The following HECTD4 variants were observed in gnomAD, a reference collection of about 807,000 sequenced individuals.
HECTD4 encodes probable E3 ubiquitin-protein ligase HECTD4.
In HECTD4, 114 loss-of-function variants were observed where a neutral mutation model predicts 471.5. That is an observed-to-expected ratio of 0.24 (90% CI 0.21 to 0.28). HECTD4 has a LOEUF of 0.28. HECTD4 is among the 10% of genes least tolerant of loss of function. The probability of loss-of-function intolerance (pLI) is 1.00; values close to 1 mark genes in which losing one functional copy is unlikely to be tolerated. For synonymous variants in HECTD4, 2,012 were observed against 2,256.0 expected, an observed-to-expected ratio of 0.89 and a Z score of 3.07; for missense variants, 3,866 against 5,651.5, an observed-to-expected ratio of 0.68 and a Z score of 10.13.
chr12:112,285,413 G>C (rs886839916), intron 7 of HECTD4, among the ~76,000 whole-genome samples: 5 of 151,956 alleles, frequency 3.3e-5, no homozygotes, highest in African/African-American at 9.7e-5. Context: ...GTCTGCCCTG[G>C]TTGCCAATCT....
chr12:112,304,651 AGCTG>A (rs1282823847), intron 7 of HECTD4, among the ~76,000 whole-genome samples: 2 of 151,614 alleles, frequency 1.3e-5, no homozygotes, highest in Non-Finnish European at 2.9e-5. Flanking sequence ...TTCCTTAAAC[AGCTG>A]GTAAGTCTCT....
rs2272307 is a variant in HECTD4 at position 112,173,057 on chromosome 12, C to T, written c.11595-196G>A. On this transcript the variant is annotated intron_variant, in intron 66 of 75. Coordinates refer to ENST00000682272, the MANE Select transcript of HECTD4 (RefSeq NM_001388303.1). This position sits in a 1 kb window ranked among gnomAD's most constrained non-coding sequence, Gnocchi z 4.3. The stretch of plus-strand genomic sequence containing the variant: ...TTCAAAAGAAGCAAGCCAAGCATGC[C>T]GGTGGGAGTGGGAATGCTGCATCCT... Among the ~76,000 whole-genome samples, 102 of 152,288 alleles carry T rather than the reference C, an allele frequency of 6.7e-4. 1 individual carries two copies. In the East Asian group the frequency reaches 0.018, roughly 27 times the overall value.
intron 48 of HECTD4, among the ~76,000 whole-genome samples, chr12:112,215,674 C>G (rs1306529318): frequency 6.6e-6 from 1 of 152,208 alleles, no homozygotes; most frequent in African/African-American, 2.4e-5. Context: ...GGGTCTCACT[C>G]TGTCACCCAG....
intron 23 of HECTD4, among the ~76,000 whole-genome samples, chr12:112,251,978 G>C (rs188878474): frequency 2.0e-3 from 302 of 152,202 alleles, no homozygotes; most frequent in Admixed American, 4.3e-3. Context: ...CACCAAGTTG[G>C]CCAGGCTGAT....
chr12:112,323,439 G>A lies in HECTD4; in HGVS notation c.178-3697C>T, dbSNP rs190641329. ...TCAGTGCCAGCTTATCAGATCTGATGTAATATCAGGATGCCATAAAATTTC... is the reference window on the plus strand; with the variant it reads ...TCAGTGCCAGCTTATCAGATCTGATATAATATCAGGATGCCATAAAATTTC... On this transcript the variant is annotated intron_variant, in intron 1 of 75. Coordinates refer to ENST00000682272, the MANE Select transcript of HECTD4 (RefSeq NM_001388303.1). Among the ~76,000 whole-genome samples the A allele has an allele frequency of 7.7e-4, 117 of 152,240 alleles. 1 individual carries two copies. Among genetic ancestry groups the A allele is most frequent in the Admixed American group, 1.1e-3 (17 of 15,296 alleles).
chr12:112,171,373 T>C (rs150342754), intron 67 of HECTD4, 110 bp from the exon 68 acceptor site: 4 of 1,492,938 alleles, frequency 2.7e-6, no homozygotes, highest in Admixed American at 2.3e-5. Flanking sequence ...GTGGATTTTT[T>C]ACCTGGGACC....
chr12:112,186,413 C>G (rs538234939), intron 60 of HECTD4, among the ~76,000 whole-genome samples: 11 of 147,556 alleles, frequency 7.5e-5, no homozygotes, highest in African/African-American at 2.8e-4. Context: ...TCTCAGCTCA[C>G]TGCAACCTCT....
chr12:112,363,685 T>C (rs1425755815), intron 1 of HECTD4, among the ~76,000 whole-genome samples: 1 of 151,946 alleles, frequency 6.6e-6, no homozygotes, highest in Non-Finnish European at 1.5e-5. Context: ...TATACAAAAA[T>C]CAAAGGTCAG....
rs1247177075 is a variant in HECTD4, at chr12:112,204,609, CA to C, written c.8145del (p.Ile2715MetfsTer46). The stretch of plus-strand genomic sequence containing the variant: ...TAGAGAAATTCAACCGTCTGTCGGG[CA>C]ATATCCACCATACCTAAAAAATATA... ...KGALQLGMVD[I>X]ARQTVEFLYE... On this transcript the variant is annotated frameshift_variant, in exon 53 of 76. Transcript: ENST00000682272. LOFTEE classifies it high-confidence loss of function. The C allele has an allele frequency of 6.2e-7, 1 of 1,613,154 alleles. No homozygotes were observed. The highest frequency in any genetic ancestry group is 1.7e-5 in the Admixed American group (1 of 59,916).
At chr12:112,366,552 G>T (rs1452152117) in intron 1 of HECTD4, among the ~76,000 whole-genome samples, 1 of 151,502 alleles carries the variant, frequency 6.6e-6, no homozygotes. Context: ...TGAAAAAATT[G>T]CCTGTTGCTG....
intron 59 of HECTD4, 30 bp from the exon 60 acceptor site, chr12:112,190,995 T>A (rs376230230): frequency 7.0e-5 from 107 of 1,525,900 alleles, no homozygotes; most frequent in Non-Finnish European, 9.1e-5. Flanking sequence ...AGAAAGCAGA[T>A]GATTGGCAGC....
At chr12:112,338,553 C>T (rs1243386783) in intron 1 of HECTD4, among the ~76,000 whole-genome samples, 1 of 151,872 alleles carries the variant, frequency 6.6e-6, no homozygotes, top group African/African-American at 2.4e-5. Flanking sequence ...CCAGGAGGCG[C>T]AGGTTGGAGT....
At chr12:112,247,134 T>A in intron 28 of HECTD4, 58 bp from the exon 29 acceptor site, 3 of 1,314,820 alleles carry the variant, frequency 2.3e-6, no homozygotes, top group Admixed American at 2.5e-5. Flanking sequence ...AAACAACTAT[T>A]AAAAAAAAAT....
intron 62 of HECTD4, among the ~76,000 whole-genome samples, chr12:112,180,966 T>TA (rs1201169489): frequency 0.046 from 6,402 of 140,212 alleles, 284 homozygotes; most frequent in African/African-American, 0.12. Context: ...ACTTGTCAGC[T>TA]AAAAAAAAAA....
intron 7 of HECTD4, among the ~76,000 whole-genome samples, chr12:112,295,981 CAG>C (rs1288565346): frequency 6.6e-6 from 1 of 152,044 alleles, no homozygotes; most frequent in Non-Finnish European, 1.5e-5. Context: ...GATATTTGAG[CAG>C]AGACATTTAA....
intron 22 of HECTD4, 159 bp from the exon 23 acceptor site, chr12:112,252,687 T>C: frequency 1.2e-6 from 1 of 837,768 alleles, no homozygotes; most frequent in Admixed American, 2.8e-5. Flanking sequence ...CCCTCTCATT[T>C]AGACAACCAG....
At chr12:112,254,228 A>G (rs1344553812) in intron 21 of HECTD4, 66 bp from the exon 22 acceptor site, 2 of 1,573,684 alleles carry the variant, frequency 1.3e-6, no homozygotes, top group Non-Finnish European at 1.7e-6. Flanking sequence ...ACAAATAAAA[A>G]GGCTGCAAAA....
Position 112,273,782 on chromosome 12 carries a change from G to A in HECTD4, c.1815C>T (p.Asp605=). ...ALVPGLGACY[D]TVNNMLWTCS... is the part of the protein sequence containing the mutation. Reference sequence around the variant, plus strand: ...ATGTCCATAGCATGTTGTTCACTGTGTCATAACACGCTCCTGCAAAAAGAG... The same window carrying A: ...ATGTCCATAGCATGTTGTTCACTGTATCATAACACGCTCCTGCAAAAAGAG... The change falls in exon 11 of 76, where the codon GAC becomes GAT. Residue 605 remains aspartate, a synonymous_variant. Transcript: ENST00000682272. 6.2e-7 allele frequency: 1 copy of A among 1,613,794 alleles called. No individual in the cohort carries two copies. The highest frequency in any genetic ancestry group is 8.5e-7 in the Non-Finnish European group (1 of 1,179,824).
intron 7 of HECTD4, among the ~76,000 whole-genome samples, chr12:112,299,534 G>A (rs936517573): frequency 6.6e-6 from 1 of 151,854 alleles, no homozygotes; most frequent in African/African-American, 2.4e-5. Context: ...GAGGTGGGAG[G>A]TTCACTTGAG....
Sources: allele counts gnomAD v4.1 joint callset (sites outside exome capture counted in the v4.1 genomes callset), GRCh38; gene constraint gnomAD v4.1.1; non-coding constraint Gnocchi (gnomAD v3.1); transcripts MANE v1.5; gene names NCBI Gene and HGNC (gene_info 2026-07-23, HGNC 2026-07-21).